Variants in TMSB15B observed in about 807,000 individuals in gnomAD.
The protein encoded by TMSB15B is thymosin beta-15B.
chrX:103,919,514 G>A (rs1296733624), intron 1 of TMSB15B: 1 of 112,069 alleles, frequency 8.9e-6, no homozygotes, highest in African/African-American at 3.3e-5. Flanking sequence ...GCAGCCCTGT[G>A]AAGGAGGTAG....
intron 1 of TMSB15B, among the ~76,000 whole-genome samples, chrX:103,945,165 C>T (rs1180579966): frequency 3.5e-5 from 4 of 112,856 alleles, no homozygotes; most frequent in African/African-American, 1.3e-4. Context: ...ACTTTATTTA[C>T]AATTGTATAC....
In TMSB15B at chrX:103,954,159, A is replaced by G. The variant is rs1198580372; in HGVS notation, c.-720-7862A>G. On this transcript the variant is annotated intron_variant, in intron 1 of 3. Coordinates refer to the TMSB15B transcript ENST00000419165. Reference sequence around the variant, plus strand: ...TGGAGCCTAGAGGTTTTGTTGCAGGAGTATCTGTAGTAGAGCATGGCCAGG... The same window carrying G: ...TGGAGCCTAGAGGTTTTGTTGCAGGGGTATCTGTAGTAGAGCATGGCCAGG... Among the ~76,000 whole-genome samples the G allele has an allele frequency of 2.7e-5, 3 of 112,373 alleles. No homozygotes were observed. The East Asian group carries it at 8.4e-4, about 32-fold the overall frequency.
intron 1 of TMSB15B, chrX:103,928,838 T>C (rs2074976809): frequency 8.3e-7 from 1 of 1,202,344 alleles, no homozygotes. Flanking sequence ...TGGCAGAACA[T>C]GCCAAGCCTG....
intron 1 of TMSB15B, among the ~76,000 whole-genome samples, chrX:103,926,278 G>C (rs2074967666): frequency 9.2e-6 from 1 of 108,720 alleles, no homozygotes; most frequent in Admixed American, 9.7e-5. Flanking sequence ...CTCCAGGGGA[G>C]GGGAGTGGTG....
intron 1 of TMSB15B, among the ~76,000 whole-genome samples, chrX:103,950,613 A>AATAT (rs781860787): frequency 3.4e-4 from 36 of 106,399 alleles, no homozygotes; most frequent in African/African-American, 1.1e-3. Flanking sequence ...CCAAGAGAAA[A>AATAT]ATATATATAT....
intron 1 of TMSB15B, chrX:103,919,446 GA>G (rs1209476735): frequency 1.8e-5 from 2 of 112,488 alleles, no homozygotes; most frequent in Non-Finnish European, 3.7e-5. Context: ...GGGAAGGGGG[GA>G]AACAGCATTT....
intron 1 of TMSB15B, among the ~76,000 whole-genome samples, chrX:103,953,113 C>T (rs1270494405): frequency 9.0e-6 from 1 of 111,667 alleles, no homozygotes; most frequent in African/African-American, 3.3e-5. Context: ...CCAGGTGCAA[C>T]ACAAAGCCAA....
At chrX:103,927,040 G>A (rs184001587) in intron 1 of TMSB15B, among the ~76,000 whole-genome samples, 1 of 110,174 alleles carries the variant, frequency 9.1e-6, no homozygotes, top group African/African-American at 3.3e-5. Flanking sequence ...ATTTTTTTTC[G>A]ATCCCAAAGT....
chrX:103,949,134 T>C lies in TMSB15B; in HGVS notation c.-720-12887T>C, dbSNP rs191333672. ...TATGGCAAGAGTGAGCCCGGGCTGT[T>C]TGTAGAATAGCAAGAAGGCCACAGC... On this transcript the variant is annotated intron_variant, in intron 1 of 3. Transcript: ENST00000419165. Among the ~76,000 whole-genome samples the C allele has an allele frequency of 7.1e-4, 78 of 110,583 alleles. 2 individuals carry two copies. Among genetic ancestry groups the C allele is most frequent in the African/African-American group, 2.5e-3 (76 of 30,314 alleles).
At chrX:103,947,339 G>T (rs2075028095) in intron 1 of TMSB15B, among the ~76,000 whole-genome samples, 1 of 111,249 alleles carries the variant, frequency 9.0e-6, no homozygotes, top group Non-Finnish European at 1.9e-5. Flanking sequence ...CAGGAGAGTG[G>T]TTATCATCCT....
chrX:103,928,605 G>A, intron 1 of TMSB15B: 1 of 1,164,293 alleles, frequency 8.6e-7, no homozygotes, highest in East Asian at 3.0e-5. Context: ...GGGGGCGGCT[G>A]TCACGGGGCT....
At chrX:103,944,412 T>G (rs1165275306) in intron 1 of TMSB15B, among the ~76,000 whole-genome samples, 1 of 112,473 alleles carries the variant, frequency 8.9e-6, no homozygotes, top group Non-Finnish European at 1.9e-5. Context: ...AAAATTCCTG[T>G]GGCTCCAGAT....
chrX:103,939,824 C>A (rs1342575478), intron 1 of TMSB15B, among the ~76,000 whole-genome samples: 1 of 111,495 alleles, frequency 9.0e-6, no homozygotes, highest in Non-Finnish European at 1.9e-5. Flanking sequence ...CTGTTGGTGA[C>A]CTTCGAATTG....
chrX:103,939,844 G>A (rs1373917476), intron 1 of TMSB15B, among the ~76,000 whole-genome samples: 1 of 111,734 alleles, frequency 8.9e-6, no homozygotes, highest in Non-Finnish European at 1.9e-5. Context: ...GAGTTTTTGC[G>A]TGTTCGTCCT....
chrX:103,926,615 G>A (rs184138144), intron 1 of TMSB15B, among the ~76,000 whole-genome samples: 7 of 110,428 alleles, frequency 6.3e-5, no homozygotes, highest in Admixed American at 3.8e-4. Context: ...GGAGTAGCAC[G>A]CCAAGGCTGA....
At chrX:103,932,572 TTATAA>T (rs1218636255) in intron 1 of TMSB15B, 1 of 112,324 alleles carries the variant, frequency 8.9e-6, no homozygotes, top group East Asian at 2.8e-4. Context: ...AGCTATTCAA[TTATAA>T]TATAAACGTG....
intron 1 of TMSB15B, among the ~76,000 whole-genome samples, chrX:103,933,269 C>T (rs1230701196): frequency 2.7e-5 from 3 of 111,566 alleles, no homozygotes; most frequent in Non-Finnish European, 5.7e-5. Flanking sequence ...AGTCTGTTCA[C>T]TCTCCAATGT....
intron 1 of TMSB15B, among the ~76,000 whole-genome samples, chrX:103,954,125 T>G (rs2075045548): frequency 8.9e-6 from 1 of 112,317 alleles, no homozygotes; most frequent in South Asian, 3.7e-4. Flanking sequence ...ATTGGCAAGA[T>G]AGCTGATGTG....
intron 1 of TMSB15B, among the ~76,000 whole-genome samples, chrX:103,925,563 C>T (rs1369735340): frequency 8.9e-6 from 1 of 112,280 alleles, no homozygotes; most frequent in African/African-American, 3.2e-5. Flanking sequence ...GAGATGACTA[C>T]AAATTATTTT....
Sources: gnomAD v4.1 joint callset for allele counts (sites outside exome capture counted in the v4.1 genomes callset) on GRCh38, gnomAD v4.1.1 for gene constraint, MANE v1.5 for transcripts, NCBI Gene and HGNC (gene_info 2026-07-23, HGNC 2026-07-21) for gene names.